Variants in PRDM11 observed in about 807,000 individuals in gnomAD.
PRDM11 encodes PR domain-containing protein 11.
Under a neutral mutation model 97.8 loss-of-function variants are expected in PRDM11, and 20 were observed. That is an observed-to-expected ratio of 0.20 (90% CI 0.14 to 0.30). PRDM11 has a LOEUF of 0.30. Ranked by LOEUF, PRDM11 falls within the 10% of genes least tolerant of loss-of-function variation. The pLI is 1.00. For missense variants in PRDM11, 1,139 were observed against 1,555.2 expected (o/e 0.73, Z 4.50); for synonymous variants, 599 against 637.7 (o/e 0.94, Z 0.91).
intron 2 of PRDM11, 127 bp downstream of exon 2, chr11:45,182,012 C>T: frequency 2.2e-6 from 2 of 900,520 alleles, no homozygotes; most frequent in East Asian, 2.6e-5. Flanking sequence ...CTCCCGGCAG[C>T]TCCTGGGCGC....
At chr11:45,160,445 C>G (rs2135702021) in intron 1 of PRDM11, among the ~76,000 whole-genome samples, 1 of 152,332 alleles carries the variant, frequency 6.6e-6, no homozygotes, top group East Asian at 1.9e-4. Context: ...ATATATCCTT[C>G]TAGATCTTTT....
At chr11:45,128,891 A>G (rs1852650987) in intron 1 of PRDM11, among the ~76,000 whole-genome samples, 1 of 152,198 alleles carries the variant, frequency 6.6e-6, no homozygotes, top group African/African-American at 2.4e-5. Context: ...GCAGGCCAAT[A>G]TCACTCATAA....
At chr11:45,163,491 G>T (rs540901988) in intron 1 of PRDM11, among the ~76,000 whole-genome samples, 3 of 151,754 alleles carry the variant, frequency 2.0e-5, no homozygotes, top group African/African-American at 7.3e-5. Flanking sequence ...TTGAGGATGG[G>T]GGGGGGTACC....
chr11:45,140,341 C>T (rs1019730081), intron 1 of PRDM11, among the ~76,000 whole-genome samples: 4 of 152,118 alleles, frequency 2.6e-5, no homozygotes, highest in African/African-American at 9.7e-5. Context: ...GACTGTAGTC[C>T]CCCAGGAGTC....
At chr11:45,225,139 G>C (rs1049781560) in intron 7 of PRDM11, 2 of 1,390,006 alleles carry the variant, frequency 1.4e-6, no homozygotes, top group Admixed American at 3.1e-5. Context: ...TGGTACTGGT[G>C]TCTTACCCCA....
chr11:45,197,598 A>G (rs1297105999), intron 4 of PRDM11, among the ~76,000 whole-genome samples: 2 of 152,280 alleles, frequency 1.3e-5, no homozygotes, highest in South Asian at 4.1e-4. Flanking sequence ...GTGTACACTT[A>G]TTTCCAAACT....
intron 6 of PRDM11, among the ~76,000 whole-genome samples, chr11:45,223,273 A>T (rs1358175708): frequency 1.3e-5 from 2 of 152,200 alleles, no homozygotes; most frequent in Non-Finnish European, 2.9e-5. Flanking sequence ...ACTGCACTTC[A>T]GCCTGGACAA....
At chr11:45,140,973 G>A (rs1191578504) in intron 1 of PRDM11, among the ~76,000 whole-genome samples, 1 of 152,130 alleles carries the variant, frequency 6.6e-6, no homozygotes, top group East Asian at 1.9e-4. Context: ...AATGGAGAGA[G>A]TTGCCCAGAG....
chr11:45,195,997 T>C (rs1853109813), intron 4 of PRDM11, among the ~76,000 whole-genome samples: 1 of 152,236 alleles, frequency 6.6e-6, no homozygotes, highest in Non-Finnish European at 1.5e-5. Context: ...TGTGTACAAG[T>C]TTCCATGCGG....
chr11:45,133,838 G>A (rs796807933), intron 1 of PRDM11, among the ~76,000 whole-genome samples: 104 of 152,286 alleles, frequency 6.8e-4, no homozygotes, highest in African/African-American at 2.5e-3. Context: ...CCCAGCTCAC[G>A]GGTCTCATTT....
chr11:45,132,098 A>G (rs942758461), intron 1 of PRDM11, among the ~76,000 whole-genome samples: 4 of 152,350 alleles, frequency 2.6e-5, no homozygotes, highest in Non-Finnish European at 5.9e-5. Flanking sequence ...CCAGAACTGT[A>G]TCACATGTCC....
chr11:45,119,544 T>G (rs989654397), intron 1 of PRDM11, among the ~76,000 whole-genome samples: 3 of 143,628 alleles, frequency 2.1e-5, no homozygotes, highest in Non-Finnish European at 3.0e-5. Flanking sequence ...GCAGGAGAAT[T>G]GCGTGAACCC....
chr11:45,147,140 G>A (rs1392342404), intron 1 of PRDM11, among the ~76,000 whole-genome samples: 2 of 151,516 alleles, frequency 1.3e-5, no homozygotes, highest in Non-Finnish European at 2.9e-5. Flanking sequence ...GCCGCCCTCC[G>A]CCTCCTTCCT....
At chr11:45,138,660 C>T (rs1056980192) in intron 1 of PRDM11, among the ~76,000 whole-genome samples, 3 of 152,148 alleles carry the variant, frequency 2.0e-5, no homozygotes, top group South Asian at 4.1e-4. Flanking sequence ...GGGCAACTCT[C>T]CACTAAGGAA....
At chr11:45,180,988 G>A (rs548357098) in intron 1 of PRDM11, among the ~76,000 whole-genome samples, 9 of 152,296 alleles carry the variant, frequency 5.9e-5, no homozygotes, top group Non-Finnish European at 1.2e-4. Flanking sequence ...AGGAGCAGGG[G>A]TGTGGCCAGC....
In PRDM11 at chr11:45,226,781, G is replaced by A. The variant is rs746845514; in HGVS notation, c.2156G>A (p.Arg719Gln). ...CGGGCCTTCTCGGCCTTGGGCATCCGGTTGCAGGATGAAAAGCCAACTGTT... is the reference window on the plus strand; with the variant it reads ...CGGGCCTTCTCGGCCTTGGGCATCCAGTTGCAGGATGAAAAGCCAACTGTT... The part of the protein sequence containing the change: ...LDRAFSALGI[R>Q]LQDEKPTVGL... Residue 719 changes from arginine (R) to glutamine (Q), a missense_variant, in exon 8 of 8, where the codon CGG becomes CAG. By Grantham distance (43) the Arg-to-Gln change is conservative. This residue lies in a region of PRDM11 where 710 missense variants were observed against 1,044.9 expected (regional missense o/e 0.68). Transcript: ENST00000683152. 141 of 1,533,830 alleles carry A rather than the reference G, an allele frequency of 9.2e-5. No homozygotes were observed. Among genetic ancestry groups the A allele is most frequent in the East Asian group, 1.5e-4 (6 of 40,920 alleles).
At chr11:45,147,279 C>T (rs980080121) in intron 1 of PRDM11, 3 of 150,522 alleles carry the variant, frequency 2.0e-5, no homozygotes, top group Non-Finnish European at 4.4e-5. Flanking sequence ...AATGAGAACG[C>T]GGTGACACGG....
At chr11:45,176,108 G>A (rs1852321798) in intron 1 of PRDM11, among the ~76,000 whole-genome samples, 1 of 152,134 alleles carries the variant, frequency 6.6e-6, no homozygotes, top group African/African-American at 2.4e-5. Context: ...TTGGCCGGGT[G>A]TGGTAGCTCA....
chr11:45,095,880 C>T, exon 1 of PRDM11: 1 of 780,996 alleles, frequency 1.3e-6, no homozygotes, highest in Non-Finnish European at 2.4e-6. Flanking sequence ...GCTCACCTCT[C>T]TTCCTTTACC....
Sources: allele counts gnomAD v4.1 joint callset (sites outside exome capture counted in the v4.1 genomes callset), GRCh38; gene constraint gnomAD v4.1.1; regional missense constraint gnomAD v4.1.1; transcripts MANE v1.5; gene names NCBI Gene and HGNC (gene_info 2026-07-23, HGNC 2026-07-21).